The following DPP6 variants were observed in gnomAD, a reference collection of about 807,000 sequenced individuals.
The protein encoded by DPP6 is dipeptidyl peptidase like 6, also known as A-type potassium channel modulatory protein DPP6.
In DPP6, 69 loss-of-function variants were observed where a neutral mutation model predicts 122.6. The observed-to-expected ratio is 0.56, with a 90% CI of 0.46 to 0.69. The LOEUF is 0.69. DPP6 is among the 30% of genes least tolerant of loss of function. The probability of loss-of-function intolerance (pLI) is 0.00; values close to 1 mark genes in which losing one functional copy is unlikely to be tolerated. For synonymous variants in DPP6, 418 were observed against 433.1 expected, an observed-to-expected ratio of 0.97 and a Z score of 0.43; for missense variants, 928 against 1,116.9, an observed-to-expected ratio of 0.83 and a Z score of 2.41.
intron 1 of DPP6, among the ~76,000 whole-genome samples, chr7:154,254,048 C>G (rs1282458618): frequency 6.6e-6 from 1 of 152,196 alleles, no homozygotes; most frequent in Admixed American, 6.5e-5. Flanking sequence ...ATTCAGTCAC[C>G]TCCCGCCGGG....
At chr7:154,113,412 T>TATATATATACAC (rs1472172445) in intron 1 of DPP6, among the ~76,000 whole-genome samples, 66 of 141,764 alleles carry the variant, frequency 4.7e-4, no homozygotes, top group African/African-American at 1.7e-3. Flanking sequence ...TATATATATA[T>TATATATATACAC]ACACACACAC....
intron 10 of DPP6, among the ~76,000 whole-genome samples, chr7:154,773,558 A>C (rs1184987689): frequency 3.3e-5 from 5 of 152,170 alleles, no homozygotes; most frequent in Non-Finnish European, 7.4e-5. Context: ...ATACTTCCAG[A>C]GTCCAGCTAT....
At chr7:154,267,926 A>ATG (rs894801419) in intron 1 of DPP6, among the ~76,000 whole-genome samples, 1 of 148,770 alleles carries the variant, frequency 6.7e-6, no homozygotes, top group Non-Finnish European at 1.5e-5. Context: ...ATACATATTT[A>ATG]TGTGTGTGTA....
chr7:154,303,250 C>T (rs1234847975), intron 1 of DPP6, among the ~76,000 whole-genome samples: 1 of 152,188 alleles, frequency 6.6e-6, no homozygotes, highest in Non-Finnish European at 1.5e-5. Context: ...AAGGCAGGGG[C>T]TGTGATTTTC....
At chr7:153,924,548 T>C (rs1800799920) in intron 1 of DPP6, among the ~76,000 whole-genome samples, 2 of 152,218 alleles carry the variant, frequency 1.3e-5, no homozygotes, top group African/African-American at 4.8e-5. Flanking sequence ...TATTCAATCT[T>C]TTAACTCTCC....
At chr7:154,319,333 T>G (rs1807717355) in intron 1 of DPP6, among the ~76,000 whole-genome samples, 2 of 152,222 alleles carry the variant, frequency 1.3e-5, no homozygotes. Context: ...CTGCATAATT[T>G]CAGTGTCTAG....
the DPP6 span, among the ~76,000 whole-genome samples, chr7:153,768,310 A>T: frequency 6.6e-6 from 1 of 151,462 alleles, no homozygotes; most frequent in Non-Finnish European, 1.5e-5. Flanking sequence ...ACCATATGCC[A>T]GAAACATATA....
chr7:154,016,512 C>T (rs1406843480), intron 1 of DPP6, among the ~76,000 whole-genome samples: 1 of 151,910 alleles, frequency 6.6e-6, no homozygotes, highest in Non-Finnish European at 1.5e-5. Flanking sequence ...CATGTAATCC[C>T]AGCACTTTGT....
chr7:153,780,856 T>A, the DPP6 span, among the ~76,000 whole-genome samples: 1 of 152,162 alleles, frequency 6.6e-6, no homozygotes, highest in African/African-American at 2.4e-5. Flanking sequence ...AACACAAACA[T>A]GTGGGCCTTC....
Position 154,863,768 on chromosome 7 carries a change from T to C in DPP6, c.1715-4227T>C, listed in dbSNP as rs1318687596. ...TGTTCGAGGCTGCAGTGAGTTATGATTTCACCACTGCACTCCAACCTGGCT... is the reference window on the plus strand; with the variant it reads ...TGTTCGAGGCTGCAGTGAGTTATGACTTCACCACTGCACTCCAACCTGGCT... On this transcript the variant is annotated intron_variant, in intron 17 of 25. Coordinates refer to ENST00000377770, the MANE Select transcript of DPP6 (RefSeq NM_130797.4). This position sits in a 1 kb window ranked among gnomAD's most constrained non-coding sequence, Gnocchi z 4.1. Among the ~76,000 whole-genome samples, 1 of 151,870 alleles carries C rather than the reference T, an allele frequency of 6.6e-6. No individual in the cohort carries two copies. The highest frequency in any genetic ancestry group is 2.4e-5 in the African/African-American group (1 of 41,348).
intron 1 of DPP6, among the ~76,000 whole-genome samples, chr7:154,035,009 C>G (rs1346739237): frequency 6.6e-6 from 1 of 151,588 alleles, no homozygotes; most frequent in Non-Finnish European, 1.5e-5. Context: ...TTGACCTGAC[C>G]TATTCCTAGG....
intron 1 of DPP6, among the ~76,000 whole-genome samples, chr7:154,006,860 G>A (rs1342924591): frequency 1.3e-5 from 2 of 152,260 alleles, no homozygotes; most frequent in African/African-American, 4.8e-5. Context: ...CCTGGTTGGT[G>A]CTGCTGGGTA....
intron 1 of DPP6, among the ~76,000 whole-genome samples, chr7:154,404,167 G>T (rs536715862): frequency 1.3e-5 from 2 of 152,280 alleles, no homozygotes; most frequent in South Asian, 4.1e-4. Context: ...GATAGAAACA[G>T]AAATCAAAGC....
intron 6 of DPP6, among the ~76,000 whole-genome samples, chr7:154,667,960 A>G (rs544474086): frequency 6.6e-6 from 1 of 151,490 alleles, no homozygotes; most frequent in South Asian, 2.1e-4. Flanking sequence ...AGCCTCCCCC[A>G]TCTGTCTTTA....
intron 6 of DPP6, among the ~76,000 whole-genome samples, chr7:154,659,335 A>G (rs898017539): frequency 1.4e-4 from 22 of 152,254 alleles, no homozygotes; most frequent in Non-Finnish European, 8.8e-5. Flanking sequence ...AGTTGTTGTA[A>G]TAACATTTTA....
intron 1 of DPP6, among the ~76,000 whole-genome samples, chr7:154,245,017 C>G (rs1801881248): frequency 6.8e-6 from 1 of 147,728 alleles, no homozygotes; most frequent in Non-Finnish European, 1.5e-5. Flanking sequence ...ATGGCACAAT[C>G]TTGGCTCACC....
chr7:154,373,464 G>T (rs1480535528), intron 1 of DPP6, among the ~76,000 whole-genome samples: 3 of 152,220 alleles, frequency 2.0e-5, no homozygotes, highest in African/African-American at 7.2e-5. Flanking sequence ...CATTTCACAG[G>T]TGCTCATGCT....
At chr7:154,210,853 G>GC (rs905265710) in intron 1 of DPP6, among the ~76,000 whole-genome samples, 18 of 151,128 alleles carry the variant, frequency 1.2e-4, no homozygotes, top group Non-Finnish European at 2.4e-4. Flanking sequence ...AAAGACAAAA[G>GC]AAAAAGGCAG....
At chr7:154,539,569 C>CA (rs1386452997) in intron 3 of DPP6, among the ~76,000 whole-genome samples, 2 of 150,510 alleles carry the variant, frequency 1.3e-5, no homozygotes. Flanking sequence ...CAACATGGCA[C>CA]ATGTATACAT....
Sources: gnomAD v4.1 joint callset for allele counts (sites outside exome capture counted in the v4.1 genomes callset) on GRCh38, gnomAD v4.1.1 for gene constraint, Gnocchi (gnomAD v3.1) non-coding constraint, MANE v1.5 for transcripts, NCBI Gene and HGNC (gene_info 2026-07-23, HGNC 2026-07-21) for gene names.